DLGAP1: variants seen among roughly 807,000 people sequenced by gnomAD.
The protein encoded by DLGAP1 is DLG associated protein 1.
DLGAP1 carries 11 observed loss-of-function variants against 90.8 expected under a neutral mutation model. That is an observed-to-expected ratio of 0.12 (90% CI 0.08 to 0.20). DLGAP1 has a LOEUF of 0.20. Ranked by LOEUF, DLGAP1 falls within the 10% of genes least tolerant of loss-of-function variation. The probability of loss-of-function intolerance (pLI) is 1.00; values close to 1 mark genes in which losing one functional copy is unlikely to be tolerated. For missense variants in DLGAP1, 1,050 were observed against 1,333.8 expected, an observed-to-expected ratio of 0.79 and a Z score of 3.31; for synonymous variants, 558 against 540.7, an observed-to-expected ratio of 1.03 and a Z score of -0.44.
intron 10 of DLGAP1, among the ~76,000 whole-genome samples, chr18:3,529,674 G>A (rs1055133360): frequency 2.6e-5 from 4 of 152,098 alleles, no homozygotes; most frequent in African/African-American, 9.7e-5. Context: ...AAGATACATC[G>A]GTTATTATAA....
intron 7 of DLGAP1, among the ~76,000 whole-genome samples, chr18:3,647,277 A>T (rs1041855870): frequency 1.0e-4 from 15 of 147,342 alleles, no homozygotes; most frequent in African/African-American, 3.7e-4. Flanking sequence ...TAAATAAATA[A>T]AAATATACAT....
At chr18:3,840,867 C>A (rs979053932) in intron 4 of DLGAP1, among the ~76,000 whole-genome samples, 1 of 152,218 alleles carries the variant, frequency 6.6e-6, no homozygotes, top group Non-Finnish European at 1.5e-5. Flanking sequence ...AACTGGAAAG[C>A]TGTCACTCAT....
chr18:3,702,194 G>A (rs926398934), intron 7 of DLGAP1, among the ~76,000 whole-genome samples: 2 of 152,140 alleles, frequency 1.3e-5, no homozygotes, highest in Non-Finnish European at 2.9e-5. Context: ...TGGGATTACA[G>A]GCGTCTGCCA....
chr18:4,326,825 G>A (rs2080828565), intron 1 of DLGAP1, among the ~76,000 whole-genome samples: 1 of 152,072 alleles, frequency 6.6e-6, no homozygotes, highest in African/African-American at 2.4e-5. Context: ...ACTAGGAGGA[G>A]AACAACAGAC....
chr18:4,374,959 C>T (rs1320094702), intron 1 of DLGAP1, among the ~76,000 whole-genome samples: 1 of 151,770 alleles, frequency 6.6e-6, no homozygotes, highest in Non-Finnish European at 1.5e-5. Context: ...GAAAAACTGA[C>T]AAGAAAAAAA....
intron 2 of DLGAP1, among the ~76,000 whole-genome samples, chr18:4,034,015 G>C (rs1269818163): frequency 2.0e-5 from 3 of 148,466 alleles, no homozygotes; most frequent in Non-Finnish European, 4.5e-5. Context: ...GGGATGAGGG[G>C]CATGAGCCAC....
At chr18:4,033,821 C>G (rs2074839896) in intron 2 of DLGAP1, among the ~76,000 whole-genome samples, 1 of 150,944 alleles carries the variant, frequency 6.6e-6, no homozygotes, top group African/African-American at 2.4e-5. Flanking sequence ...CTCACTGCAA[C>G]CTCTGCCTCC....
At chr18:3,548,183 A>G (rs1393590335) in intron 9 of DLGAP1, among the ~76,000 whole-genome samples, 1 of 152,220 alleles carries the variant, frequency 6.6e-6, no homozygotes, top group African/African-American at 2.4e-5. Context: ...ATGGTTGTAC[A>G]ATGTTGTAAA....
intron 1 of DLGAP1, among the ~76,000 whole-genome samples, chr18:4,232,931 A>C (rs943113157): frequency 6.6e-6 from 1 of 152,218 alleles, no homozygotes; most frequent in Non-Finnish European, 1.5e-5. Flanking sequence ...AAACCACACA[A>C]GTGTGGGAAC....
chr18:3,900,844 A>G (rs1247071177), intron 3 of DLGAP1, among the ~76,000 whole-genome samples: 1 of 152,184 alleles, frequency 6.6e-6, no homozygotes, highest in African/African-American at 2.4e-5. Context: ...AAAAAGGACA[A>G]GGAGAAAGAT....
At chr18:3,939,089 A>G (rs1367809137) in intron 3 of DLGAP1, among the ~76,000 whole-genome samples, 1 of 152,160 alleles carries the variant, frequency 6.6e-6, no homozygotes, top group Non-Finnish European at 1.5e-5. Context: ...GCAGCAATGA[A>G]CCTAATAGCA....
intron 2 of DLGAP1, among the ~76,000 whole-genome samples, chr18:4,075,886 T>A (rs7504447): frequency 0.2 from 30,076 of 152,136 alleles, 3,810 homozygotes; most frequent in Non-Finnish European, 0.29. Flanking sequence ...AATCTAAAGT[T>A]GTTGTTGTTG....
intron 1 of DLGAP1, among the ~76,000 whole-genome samples, chr18:4,289,961 C>T (rs951433890): frequency 1.3e-5 from 2 of 152,130 alleles, no homozygotes; most frequent in Non-Finnish European, 2.9e-5. Flanking sequence ...GACTCTTCAT[C>T]TTTTGAAAAG....
intron 1 of DLGAP1, among the ~76,000 whole-genome samples, chr18:4,254,362 G>C (rs988218511): frequency 1.3e-5 from 2 of 151,392 alleles, no homozygotes; most frequent in Non-Finnish European, 2.9e-5. Context: ...TAAAGGTAAG[G>C]ACAGTTATGC....
At chr18:3,823,268 A>G (rs796847848) in intron 4 of DLGAP1, among the ~76,000 whole-genome samples, 22 of 152,298 alleles carry the variant, frequency 1.4e-4, no homozygotes, top group African/African-American at 5.3e-4. Context: ...CTCAGTCAGC[A>G]AGCATCTCTG....
At chr18:4,265,612 C>T (rs2079102479) in intron 1 of DLGAP1, among the ~76,000 whole-genome samples, 2 of 97,836 alleles carry the variant, frequency 2.0e-5, no homozygotes, top group Non-Finnish European at 3.9e-5. Context: ...TCCTTCCTTC[C>T]TTCCCTCCCT....
chr18:4,350,336 T>G (rs1330614339), intron 1 of DLGAP1, among the ~76,000 whole-genome samples: 1 of 152,158 alleles, frequency 6.6e-6, no homozygotes, highest in Admixed American at 6.5e-5. Flanking sequence ...CAAAACCGAT[T>G]GTTTTTAAAG....
chr18:3,797,449 G>A (rs1226591544), intron 5 of DLGAP1, among the ~76,000 whole-genome samples: 2 of 152,146 alleles, frequency 1.3e-5, no homozygotes, highest in South Asian at 4.2e-4. Flanking sequence ...TGACCATATC[G>A]GCACCCTCAT....
At chr18:4,424,908 C>T (rs1297255421) in intron 1 of DLGAP1, among the ~76,000 whole-genome samples, 1 of 152,138 alleles carries the variant, frequency 6.6e-6, no homozygotes, top group East Asian at 1.9e-4. Flanking sequence ...ACATTTACTG[C>T]ATTGTTTATT....
Sources: allele counts gnomAD v4.1 joint callset (sites outside exome capture counted in the v4.1 genomes callset), GRCh38; gene constraint gnomAD v4.1.1; transcripts MANE v1.5; gene names NCBI Gene and HGNC (gene_info 2026-07-23, HGNC 2026-07-21).